The following UBLCP1 variants were observed in gnomAD, a reference collection of about 807,000 sequenced individuals.
UBLCP1 encodes the protein ubiquitin like domain containing CTD phosphatase 1, also known as ubiquitin-like domain-containing CTD phosphatase 1.
Under a neutral mutation model 42.4 loss-of-function variants are expected in UBLCP1, and 28 were observed. The observed-to-expected ratio is 0.66, with a 90% CI of 0.49 to 0.90. The LOEUF (loss-of-function observed/expected upper bound fraction) is 0.90. UBLCP1 is among the 40% of genes least tolerant of loss of function. The pLI is 0.00. For missense variants in UBLCP1, 279 were observed against 374.5 expected (o/e 0.75, Z 2.10); for synonymous variants, 122 against 120.8 (o/e 1.01, Z -0.07).
At chr5:159,278,807 G>A (rs915800865) in intron 9 of UBLCP1, among the ~76,000 whole-genome samples, 8 of 152,004 alleles carry the variant, frequency 5.3e-5, no homozygotes, top group African/African-American at 1.7e-4. Flanking sequence ...TCCTGTCCTC[G>A]TGATCTGCCC....
At chr5:159,265,927 AC>A (rs1450984564) in intron 1 of UBLCP1, among the ~76,000 whole-genome samples, 1 of 152,016 alleles carries the variant, frequency 6.6e-6, no homozygotes, top group Non-Finnish European at 1.5e-5. Context: ...AAGGTGATTC[AC>A]CTGCCTCAGC....
intron 5 of UBLCP1, 21 bp downstream of exon 5, chr5:159,270,664 T>C (rs1753452589): frequency 6.8e-7 from 1 of 1,462,426 alleles, no homozygotes; most frequent in Non-Finnish European, 9.2e-7. Flanking sequence ...TAAGAATGCT[T>C]TTCATTTTCT....
At chr5:159,271,227 G>A (rs1448846793) in intron 5 of UBLCP1, among the ~76,000 whole-genome samples, 1 of 152,124 alleles carries the variant, frequency 6.6e-6, no homozygotes, top group Non-Finnish European at 1.5e-5. Context: ...TTGGAAGGCT[G>A]AGGTGGGAGG....
intron 9 of UBLCP1, among the ~76,000 whole-genome samples, chr5:159,281,745 A>T (rs1239726454): frequency 6.6e-6 from 1 of 152,128 alleles, no homozygotes; most frequent in Non-Finnish European, 1.5e-5. Context: ...TACACTTAAT[A>T]GGTATGGTAG....
At chr5:159,271,872 T>G (rs1278687910) in intron 5 of UBLCP1, 151 bp from the exon 6 acceptor site, 2 of 510,658 alleles carry the variant, frequency 3.9e-6, no homozygotes, top group East Asian at 3.0e-5. Flanking sequence ...GAAAGACATC[T>G]TTTTGTCAGC....
intron 1 of UBLCP1, among the ~76,000 whole-genome samples, chr5:159,265,404 T>C (rs1034551489): frequency 3.9e-5 from 6 of 152,196 alleles, no homozygotes. Context: ...ATGAGTTTAA[T>C]GAAAAATAGA....
At chr5:159,283,405 A>G in intron 10 of UBLCP1, 66 bp downstream of exon 10, 1 of 1,340,408 alleles carries the variant, frequency 7.5e-7, no homozygotes, top group Non-Finnish European at 1.0e-6. Context: ...ATTTTTCATC[A>G]GTGACCCCAG....
At chr5:159,279,709 A>G (rs1354120472) in intron 9 of UBLCP1, among the ~76,000 whole-genome samples, 1 of 152,208 alleles carries the variant, frequency 6.6e-6, no homozygotes, top group African/African-American at 2.4e-5. Flanking sequence ...GTTGTCCTTA[A>G]TGGTTTCTGT....
At chr5:159,270,090 T>G (rs761720810) in intron 3 of UBLCP1, 91 bp downstream of exon 3, 28 of 1,158,760 alleles carry the variant, frequency 2.4e-5, no homozygotes, top group Non-Finnish European at 2.7e-5. Flanking sequence ...TGTGGTAAAA[T>G]TGTCAGTCTA....
intron 9 of UBLCP1, among the ~76,000 whole-genome samples, chr5:159,281,054 T>A (rs1490292748): frequency 6.6e-6 from 1 of 152,214 alleles, no homozygotes; most frequent in Non-Finnish European, 1.5e-5. Flanking sequence ...GCAAGTGAAG[T>A]CAATTAGGTG....
In UBLCP1 at chr5:159,273,032, A is replaced by T. The variant is rs548520634; in HGVS notation, c.547+911A>T. 7.9e-5 allele frequency among the ~76,000 whole-genome samples: 12 copies of T among 152,354 alleles called. No homozygotes were observed. The South Asian group carries it at 2.3e-3, about 29-fold the overall frequency. ...TAAAGGTGCTACATTTCATTGTACT[A>T]GGTCTTTGAGAGAAATTATGTTAGT... On this transcript the variant is annotated intron_variant, in intron 6 of 10. Coordinates refer to ENST00000296786, the MANE Select transcript of UBLCP1 (RefSeq NM_145049.5).
At chr5:159,278,180 TTTAAG>T (rs1414835917) in intron 8 of UBLCP1, 53 bp from the exon 9 acceptor site, 3 of 1,271,514 alleles carry the variant, frequency 2.4e-6, no homozygotes, top group Admixed American at 1.7e-5. Context: ...TATTCCTGCT[TTTAAG>T]ACAGGATGAA....
chr5:159,281,769 GCTCA>G (rs921214760), intron 9 of UBLCP1, among the ~76,000 whole-genome samples: 1 of 151,754 alleles, frequency 6.6e-6, no homozygotes, highest in African/African-American at 2.4e-5. Context: ...ACTCCTTTGG[GCTCA>G]CTCATTGTTC....
chr5:159,284,276 T>C (rs765976394), intron 10 of UBLCP1, among the ~76,000 whole-genome samples: 1 of 152,116 alleles, frequency 6.6e-6, no homozygotes, highest in Non-Finnish European at 1.5e-5. Context: ...AGTTTGCTGA[T>C]TTTAGGAACT....
At chr5:159,281,486 A>G (rs980355664) in intron 9 of UBLCP1, among the ~76,000 whole-genome samples, 19 of 152,176 alleles carry the variant, frequency 1.2e-4, no homozygotes, top group African/African-American at 4.3e-4. Context: ...CGGAAACAGC[A>G]CTGCTGCACT....
At chr5:159,277,220 CA>C (rs763877791) in intron 8 of UBLCP1, among the ~76,000 whole-genome samples, 11 of 147,076 alleles carry the variant, frequency 7.5e-5, no homozygotes, top group East Asian at 3.9e-4. Flanking sequence ...AGATCAGTAG[CA>C]AAAAAAAATC....
intron 9 of UBLCP1, among the ~76,000 whole-genome samples, chr5:159,281,398 ACT>A (rs1252685829): frequency 1.3e-5 from 2 of 152,086 alleles, no homozygotes; most frequent in East Asian, 1.9e-4. Flanking sequence ...TCATATCATG[ACT>A]CTGTTTACTC....
rs374566308 is a variant in UBLCP1, at chr5:159,270,554, G to A, written c.359G>A (p.Arg120His). 15 of 1,610,224 alleles carry A rather than the reference G, an allele frequency of 9.3e-6. No individual in the cohort carries two copies. The highest frequency in any genetic ancestry group is 5.4e-5 in the African/African-American group (4 of 74,612). Residue 120 changes from arginine to histidine, a missense_variant, in exon 5 of 11, where the codon CGC (arginine) becomes CAC (histidine). By Grantham distance (29) the Arg-to-His change is conservative. Coordinates refer to ENST00000296786, the MANE Select transcript of UBLCP1 (RefSeq NM_145049.5). ...NREENLLKIS[R>H]RVKEYKVEIL... ...GAAGAAAACCTACTGAAAATTTCTC[G>A]CAGAGTGAAAGAGTACAAAGTGGAA...
Position 159,270,600 on chromosome 5 carries a change from A to G in UBLCP1, c.405A>G (p.Glu135=), listed in dbSNP as rs1224045758. The G allele has an allele frequency of 6.2e-7, 1 of 1,610,000 alleles. No homozygotes were observed. The highest frequency in any genetic ancestry group is 1.3e-5 in the African/African-American group (1 of 74,664). ...YKVEILNPPR[E]GKKLLVLDVD... is the part of the protein sequence containing the mutation. ...TGGAAATTTTGAATCCTCCCAGGGA[A>G]GGGAAAAAGCTTTTGGTGCTAGATG... The change falls in exon 5 of 11, where the codon GAA becomes GAG. Residue 135 remains glutamate (E), a synonymous_variant. Coordinates refer to ENST00000296786, the MANE Select transcript of UBLCP1 (RefSeq NM_145049.5).
Sources: allele counts gnomAD v4.1 joint callset (sites outside exome capture counted in the v4.1 genomes callset), GRCh38; gene constraint gnomAD v4.1.1; transcripts MANE v1.5; gene names NCBI Gene and HGNC (gene_info 2026-07-23, HGNC 2026-07-21).